The following NR1H3 variants were observed in gnomAD, a reference collection of about 807,000 sequenced individuals.
NR1H3 encodes the protein nuclear receptor subfamily 1 group H member 3, also known as oxysterols receptor LXR-alpha.
NR1H3 carries 19 observed loss-of-function variants against 48.1 expected under a neutral mutation model. The ratio of observed to expected loss-of-function variants is 0.40; its 90% CI spans 0.28 to 0.58. The LOEUF (loss-of-function observed/expected upper bound fraction) is 0.58. NR1H3 is among the 20% of genes least tolerant of loss of function. The pLI is 0.50. For synonymous variants in NR1H3, 232 were observed against 227.3 expected, an observed-to-expected ratio of 1.02 and a Z score of -0.19; for missense variants, 486 against 595.9, an observed-to-expected ratio of 0.82 and a Z score of 1.92.
At chr11:47,262,074 T>A in intron 7 of NR1H3, 56 bp downstream of exon 7, 2 of 1,334,564 alleles carry the variant, frequency 1.5e-6, no homozygotes, top group Admixed American at 2.1e-5. Context: ...CTTCTTTTTT[T>A]ATTTTTTATT....
chr11:47,261,754 G>A (rs957013135), intron 6 of NR1H3, 28 bp downstream of exon 6: 12 of 1,613,988 alleles, frequency 7.4e-6, no homozygotes, highest in Non-Finnish European at 1.0e-5. Flanking sequence ...AGGGATGAAG[G>A]GAGAAGCAGA....
In NR1H3 at chr11:47,261,953, C is replaced by G. The variant is rs1955919100; in HGVS notation, c.923C>G (p.Pro308Arg). The change falls in exon 7 of 10, where the codon CCT (proline) becomes CGT (arginine). Residue 308 changes from proline (P) to arginine (R), a missense_variant. Physicochemically the swap from Pro to Arg is moderately radical, Grantham distance 103. Coordinates refer to ENST00000441012, the MANE Select transcript of NR1H3 (RefSeq NM_005693.4). ...MLLETSRRYN[P>R]GSESITFLKD... ...CTGGAGACATCTCGGAGGTACAACC[C>G]TGGGAGTGAGAGTATCACCTTCCTC... 2 of 1,614,156 alleles carry G rather than the reference C, an allele frequency of 1.2e-6. No individual in the cohort carries two copies. Among genetic ancestry groups the G allele is most frequent in the Non-Finnish European group, 1.7e-6 (2 of 1,180,012 alleles).
rs757354481 is a variant in NR1H3, at chr11:47,260,450, A to G, written c.274A>G (p.Met92Val). 8.7e-6 allele frequency: 14 copies of G among 1,613,854 alleles called. No homozygotes were observed. Among genetic ancestry groups the G allele is most frequent in the Non-Finnish European group, 1.7e-6 (2 of 1,179,824 alleles). ...QKRKKGPAPK[M>V]LGNELCSVCG... The stretch of plus-strand genomic sequence containing the variant: ...GCGGAAAAAGGGGCCAGCCCCCAAA[A>G]TGCTGGGGAACGAGCTATGCAGCGT... Residue 92 changes from methionine (M) to valine (V), a missense_variant, in exon 4 of 10, where the codon ATG becomes GTG. By Grantham distance (21) the Met-to-Val change is conservative (BLOSUM62 1). Coordinates refer to ENST00000441012, the MANE Select transcript of NR1H3 (RefSeq NM_005693.4).
chr11:47,255,920 T>A (rs1457374232), upstream of NR1H3, among the ~76,000 whole-genome samples: 1 of 147,872 alleles, frequency 6.8e-6, no homozygotes, highest in African/African-American at 2.5e-5. Flanking sequence ...CCATCTGCCT[T>A]GGCCTCCCAA....
chr11:47,255,546 TTTCTTTCTTTCTTTC>T (rs1201470476), upstream of NR1H3, among the ~76,000 whole-genome samples: 1 of 45,330 alleles, frequency 2.2e-5, no homozygotes, highest in East Asian at 9.4e-4. Context: ...TTTCTTTTTC[TTTCTTTCTTTCTTTC>T]TTTCTTTCTT....
At chr11:47,268,215 T>C (rs767255959) in intron 8 of NR1H3, 46 bp from the exon 9 acceptor site, 12 of 1,576,390 alleles carry the variant, frequency 7.6e-6, no homozygotes, top group East Asian at 2.3e-5. Flanking sequence ...GGTATGGAAC[T>C]GGACCCTGGC....
chr11:47,259,702 G>C (rs188568912), intron 2 of NR1H3, 89 bp from the exon 3 acceptor site: 184 of 1,591,422 alleles, frequency 1.2e-4, no homozygotes, highest in Admixed American at 1.0e-3. Context: ...TAAGGGTGGG[G>C]ATAAGTTTGC....
At chr11:47,265,494 A>G (rs1185722571) in intron 7 of NR1H3, among the ~76,000 whole-genome samples, 1 of 152,200 alleles carries the variant, frequency 6.6e-6, no homozygotes, top group Non-Finnish European at 1.5e-5. Context: ...AATGTGTATG[A>G]GAGACATTCT....
chr11:47,248,981 G>A, exon 1 of NR1H3: 2 of 1,512,398 alleles, frequency 1.3e-6, no homozygotes, highest in Non-Finnish European at 1.8e-6. Flanking sequence ...GTCTGGCTGT[G>A]GCGGAGGAGC....
At position 47,268,609 on chromosome 11, in the gene NR1H3, C is replaced by G. The variant is rs772670372; in HGVS notation, c.1257C>G (p.Ser419Arg). ...TGGTGAGCCTCCGGACCCTGAGCAG[C>G]GTCCACTCAGAGCAAGTGTTTGCAC... The part of the protein sequence containing the change: ...MKLVSLRTLS[S>R]VHSEQVFALR... Residue 419 changes from serine (S) to arginine (R), a missense_variant, in exon 10 of 10, where the codon AGC becomes AGG. Coordinates refer to ENST00000441012, the MANE Select transcript of NR1H3 (RefSeq NM_005693.4). 5.6e-6 allele frequency: 9 copies of G among 1,614,156 alleles called. No homozygotes were observed. The Admixed American group carries it at 1.5e-4, about 27-fold the overall frequency.
Position 47,260,412 on chromosome 11 carries a change from TC to T in NR1H3, c.238del (p.Arg80ValfsTer34), listed in dbSNP as rs751781969. On this transcript the variant is annotated frameshift_variant, in exon 4 of 10. Coordinates refer to ENST00000441012, the MANE Select transcript of NR1H3 (RefSeq NM_005693.4). LOFTEE classifies it high-confidence loss of function. ...TGAAGCACTTTCCTGTATCCAGAGA[TC>T]CGTCCACAAAAGCGGAAAAAGGGGC... ...RAEPPSEPTEIRPQKRKKGPA... is the reference protein window; with the variant it reads ...RAEPPSEPTEXRPQKRKKGPA... 1.2e-6 allele frequency: 2 copies of T among 1,610,446 alleles called. No individual in the cohort carries two copies. The highest frequency in any genetic ancestry group is 1.1e-5 in the South Asian group (1 of 90,880).
At position 47,252,399 on chromosome 11, in the gene NR1H3, T is replaced by C. The variant is rs1354407512; in HGVS notation, c.-93+3400T>C. Among the ~76,000 whole-genome samples, 7 of 147,746 alleles carry C rather than the reference T, an allele frequency of 4.7e-5. No individual in the cohort carries two copies. In the South Asian group the frequency reaches 6.6e-4, roughly 14 times the overall value. On this transcript the variant is annotated intron_variant, in intron 1 of 8. Transcript: ENST00000395397. ...GCCTCAGCCTCCCGAGTAGCTGGGA[T>C]TACAGGCATGTGCCACCACGCCTGG...
At chr11:47,268,211 G>C in intron 8 of NR1H3, 50 bp from the exon 9 acceptor site, 1 of 1,563,200 alleles carries the variant, frequency 6.4e-7, no homozygotes, top group Non-Finnish European at 8.8e-7. Context: ...TTGGGGTATG[G>C]AACTGGACCC....
At chr11:47,260,811 G>A (rs1017305400) in intron 4 of NR1H3, 136 bp downstream of exon 4, 17 of 1,203,298 alleles carry the variant, frequency 1.4e-5, no homozygotes, top group South Asian at 3.1e-5. Context: ...TTGACCGGGC[G>A]CGGTGGCTCA....
At chr11:47,256,388 A>C (rs571796418), upstream of NR1H3, among the ~76,000 whole-genome samples, 5 of 152,294 alleles carry the variant, frequency 3.3e-5, no homozygotes, top group East Asian at 9.6e-4. Flanking sequence ...TCTTATTTTA[A>C]AGATAGGGAA....
chr11:47,261,248 G>C lies in NR1H3; in HGVS notation c.507G>C (p.Leu169=). The change falls in exon 5 of 10, where the codon CTG becomes CTC. Residue 169 remains leucine (L), a synonymous_variant. Coordinates refer to ENST00000441012, the MANE Select transcript of NR1H3 (RefSeq NM_005693.4). ...RQAGMREECV[L]SEEQIRLKKL... The stretch of plus-strand genomic sequence containing the variant: ...ATTTGGCCCTGTCCTTAGGTGTCCT[G>C]TCAGAAGAACAGATCCGCCTGAAGA... 1 of 1,600,060 alleles carries C rather than the reference G, an allele frequency of 6.2e-7. No homozygotes were observed. The highest frequency in any genetic ancestry group is 8.5e-7 in the Non-Finnish European group (1 of 1,178,632).
Position 47,267,903 on chromosome 11 carries a change from T to C in NR1H3, c.989-10T>C. 6.2e-7 allele frequency: 1 copy of C among 1,605,520 alleles called. No homozygotes were observed. Among genetic ancestry groups the C allele is most frequent in the East Asian group, 2.2e-5 (1 of 44,810 alleles). On this transcript the variant is annotated splice_polypyrimidine_tract_variant and intron_variant, in intron 7 of 9. Coordinates refer to ENST00000441012, the MANE Select transcript of NR1H3 (RefSeq NM_005693.4). The stretch of plus-strand genomic sequence containing the variant: ...TGCTGCTTGCGTCAGCCTCCCTTCT[T>C]CCTCCCCAGGGCTGCAAGTGGAATT...
At position 47,259,777 on chromosome 11, in the gene NR1H3, C is replaced by A. The variant is rs773789635; in HGVS notation, c.44-14C>A. 8 of 1,611,812 alleles carry A rather than the reference C, an allele frequency of 5.0e-6. No individual in the cohort carries two copies. Among genetic ancestry groups the A allele is most frequent in the Non-Finnish European group, 6.8e-6 (8 of 1,179,866 alleles). ...GGGCCTGAGACCCCCTTGTGCCTCTCTTTTGGAGCTCAGACTCTGCGGTGG... is the reference window on the plus strand; with the variant it reads ...GGGCCTGAGACCCCCTTGTGCCTCTATTTTGGAGCTCAGACTCTGCGGTGG... On this transcript the variant is annotated splice_polypyrimidine_tract_variant and intron_variant, in intron 2 of 9. Coordinates refer to ENST00000441012, the MANE Select transcript of NR1H3 (RefSeq NM_005693.4).
intron 1 of NR1H3, among the ~76,000 whole-genome samples, chr11:47,252,453 T>G (rs1954743656): frequency 6.6e-6 from 1 of 151,682 alleles, no homozygotes; most frequent in African/African-American, 2.4e-5. Context: ...TAGAGACAGC[T>G]TCTCCATGTT....
Sources: gnomAD v4.1 joint callset for allele counts (sites outside exome capture counted in the v4.1 genomes callset) on GRCh38, gnomAD v4.1.1 for gene constraint, MANE v1.5 for transcripts, NCBI Gene and HGNC (gene_info 2026-07-23, HGNC 2026-07-21) for gene names.